The following PTPRD variants were observed in gnomAD, a reference collection of about 807,000 sequenced individuals.
The protein encoded by PTPRD is protein tyrosine phosphatase receptor type D.
PTPRD carries 34 observed loss-of-function variants against 214.5 expected under a neutral mutation model. The observed-to-expected ratio is 0.16, with a 90% CI of 0.12 to 0.21. PTPRD has a LOEUF of 0.21. Among genes scored for constraint, PTPRD ranks in the 10% least tolerant of loss-of-function variants. PTPRD has a pLI of 1.00. For missense variants in PTPRD, 2,545 were observed against 2,398.7 expected (o/e 1.06, Z -1.27); for synonymous variants, 1,128 against 845.7 (o/e 1.33, Z -5.79).
In PTPRD at chr9:9,306,381, T is replaced by C. The variant is rs185149098; in HGVS notation, c.-203+91068A>G. Among the ~76,000 whole-genome samples, 23 of 151,640 alleles carry C rather than the reference T, an allele frequency of 1.5e-4. No individual in the cohort carries two copies. The East Asian group carries it at 1.8e-3, about 12-fold the overall frequency. ...GAGTTTGGGACCAGCCTGGCTAACA[T>C]AGTGAAATCCCGTCTCTACTAAAAA... On this transcript the variant is annotated intron_variant, in intron 9 of 45. Coordinates refer to ENST00000381196, the MANE Select transcript of PTPRD (RefSeq NM_002839.4).
At chr9:8,895,521 G>A (rs1231123063) in intron 11 of PTPRD, among the ~76,000 whole-genome samples, 1 of 152,070 alleles carries the variant, frequency 6.6e-6, no homozygotes, top group African/African-American at 2.4e-5. Flanking sequence ...AGATTTTTCA[G>A]GGAAGTCCAA....
intron 11 of PTPRD, among the ~76,000 whole-genome samples, chr9:8,900,764 A>G (rs189125802): frequency 3.3e-5 from 5 of 152,338 alleles, no homozygotes; most frequent in African/African-American, 9.6e-5. Flanking sequence ...CACACATTAA[A>G]TGTGGGGGAA....
chr9:9,760,640 AC>A (rs2154475225), intron 6 of PTPRD, among the ~76,000 whole-genome samples: 1 of 144,098 alleles, frequency 6.9e-6, no homozygotes, highest in South Asian at 2.3e-4. Flanking sequence ...ACACACACAC[AC>A]ACACACACAC....
chr9:10,215,345 T>TA (rs2099536442), intron 3 of PTPRD, among the ~76,000 whole-genome samples: 1 of 151,922 alleles, frequency 6.6e-6, no homozygotes, highest in Admixed American at 6.6e-5. Context: ...ATGAATGGGT[T>TA]AAACAATATA....
chr9:9,491,337 C>A (rs1006965247), intron 8 of PTPRD, among the ~76,000 whole-genome samples: 2 of 151,738 alleles, frequency 1.3e-5, no homozygotes, highest in African/African-American at 4.8e-5. Context: ...AATAGTTCTA[C>A]GATAATAGTT....
intron 11 of PTPRD, among the ~76,000 whole-genome samples, chr9:8,900,065 G>A (rs986642689): frequency 6.6e-6 from 1 of 151,560 alleles, no homozygotes; most frequent in Admixed American, 6.6e-5. Context: ...AAACTGCATT[G>A]TCAAGCTGAG....
chr9:8,743,285 A>G (rs1375553525), intron 11 of PTPRD, among the ~76,000 whole-genome samples: 1 of 152,196 alleles, frequency 6.6e-6, no homozygotes, highest in Non-Finnish European at 1.5e-5. Context: ...GGCTTGCCTT[A>G]AAAGTTTAGT....
intron 10 of PTPRD, among the ~76,000 whole-genome samples, chr9:9,149,615 G>A (rs975157904): frequency 3.9e-5 from 6 of 152,128 alleles, no homozygotes; most frequent in African/African-American, 7.2e-5. Context: ...AAAAAATCCC[G>A]GCTTCATCCC....
chr9:9,467,653 A>T (rs563312720), intron 8 of PTPRD, among the ~76,000 whole-genome samples: 20 of 146,638 alleles, frequency 1.4e-4, no homozygotes, highest in Non-Finnish European at 6.0e-5. Context: ...CATAAATAGC[A>T]TGTTTACTAT....
At chr9:8,986,370 G>C (rs889907754) in intron 11 of PTPRD, among the ~76,000 whole-genome samples, 4 of 151,882 alleles carry the variant, frequency 2.6e-5, no homozygotes, top group Admixed American at 2.6e-4. Context: ...GAAGAAAACA[G>C]AACCACTAAA....
chr9:9,286,110 C>T (rs1206147516), intron 9 of PTPRD, among the ~76,000 whole-genome samples: 8 of 151,834 alleles, frequency 5.3e-5, no homozygotes, highest in South Asian at 2.1e-4. Context: ...TCTTTTGTGA[C>T]AACCCGGATA....
At chr9:10,385,191 T>C (rs1369095275) in intron 2 of PTPRD, among the ~76,000 whole-genome samples, 1 of 151,840 alleles carries the variant, frequency 6.6e-6, no homozygotes. Flanking sequence ...AGTAAGTTTA[T>C]TCCCTTTTTA....
At chr9:8,459,440 A>G (rs1378672572) in intron 33 of PTPRD, among the ~76,000 whole-genome samples, 1 of 152,088 alleles carries the variant, frequency 6.6e-6, no homozygotes, top group East Asian at 1.9e-4. Flanking sequence ...ATAAAAATCT[A>G]TATAAAGGGA....
At chr9:10,258,233 G>A (rs1390159167) in intron 3 of PTPRD, among the ~76,000 whole-genome samples, 1 of 152,194 alleles carries the variant, frequency 6.6e-6, no homozygotes, top group Non-Finnish European at 1.5e-5. Context: ...TTGAGGTAGT[G>A]ATTCAGAACT....
intron 9 of PTPRD, among the ~76,000 whole-genome samples, chr9:9,258,909 G>T (rs544652010): frequency 2.0e-5 from 3 of 151,764 alleles, no homozygotes; most frequent in East Asian, 2.0e-4. Context: ...TTTTTTAAAG[G>T]CCTATTTTTC....
intron 11 of PTPRD, among the ~76,000 whole-genome samples, chr9:8,946,232 C>T (rs905297964): frequency 1.3e-5 from 2 of 152,072 alleles, no homozygotes; most frequent in African/African-American, 4.8e-5. Context: ...TTTGTTCCTT[C>T]ATTTTAGTGT....
chr9:9,726,083 T>G (rs1013540212), intron 7 of PTPRD, among the ~76,000 whole-genome samples: 20 of 152,154 alleles, frequency 1.3e-4, no homozygotes, highest in African/African-American at 4.1e-4. Flanking sequence ...TTTCTCATTG[T>G]TTTTTAAGGA....
intron 2 of PTPRD, among the ~76,000 whole-genome samples, chr9:10,491,983 G>C (rs1321091873): frequency 6.6e-6 from 1 of 152,080 alleles, no homozygotes; most frequent in Non-Finnish European, 1.5e-5. Flanking sequence ...CTGTTCCTGT[G>C]TTAGTTTGCT....
intron 2 of PTPRD, among the ~76,000 whole-genome samples, chr9:10,477,051 C>A (rs572325212): frequency 2.6e-5 from 4 of 152,184 alleles, no homozygotes; most frequent in Admixed American, 2.0e-4. Context: ...CTAGGCAATA[C>A]CATTCAGGAC....
Sources: gnomAD v4.1 joint callset for allele counts (sites outside exome capture counted in the v4.1 genomes callset) on GRCh38, gnomAD v4.1.1 for gene constraint, MANE v1.5 for transcripts, NCBI Gene and HGNC (gene_info 2026-07-23, HGNC 2026-07-21) for gene names.